RARB: variants seen among roughly 807,000 people sequenced by gnomAD.
The protein encoded by RARB is HBV-activated protein.
In RARB, 17 loss-of-function variants were observed where a neutral mutation model predicts 51.9. That is an observed-to-expected ratio of 0.33 (90% confidence interval 0.22 to 0.49). The LOEUF is 0.49. RARB is among the 20% of genes least tolerant of loss of function. RARB has a pLI of 0.99. For missense variants in RARB, 369 were observed against 550.8 expected (o/e 0.67, Z 3.30); for synonymous variants, 215 against 195.4 (o/e 1.10, Z -0.84).
intron 2 of RARB, among the ~76,000 whole-genome samples, chr3:24,889,592 C>A (rs4858661): frequency 0.73 from 111,277 of 151,764 alleles, 41,843 homozygotes; most frequent in African/African-American, 0.88. Context: ...GCTTGGAAAA[C>A]TTTTTGTTTT....
chr3:25,020,949 C>A (rs1307819203), intron 2 of RARB, among the ~76,000 whole-genome samples: 1 of 151,986 alleles, frequency 6.6e-6, no homozygotes, highest in Admixed American at 6.6e-5. Context: ...AGCCTGGCAA[C>A]GGAGTGAAAC....
At chr3:25,164,991 C>T (rs1162560946) in intron 4 of RARB, among the ~76,000 whole-genome samples, 2 of 152,138 alleles carry the variant, frequency 1.3e-5, no homozygotes, top group Non-Finnish European at 2.9e-5. Context: ...TCACAGTCAA[C>T]TCAAGATTGG....
intron 4 of RARB, among the ~76,000 whole-genome samples, chr3:25,576,856 G>A (rs66482848): frequency 0.38 from 57,649 of 151,822 alleles, 11,132 homozygotes; most frequent in African/African-American, 0.44. Flanking sequence ...TGCTGCAGGC[G>A]TGTTGGGGGC....
intron 2 of RARB, among the ~76,000 whole-genome samples, chr3:24,918,127 G>C (rs1695144056): frequency 6.6e-6 from 1 of 152,156 alleles, no homozygotes. Flanking sequence ...GTTCTTAGTA[G>C]TTAAAAAATG....
intron 5 of RARB, among the ~76,000 whole-genome samples, chr3:25,281,544 A>G (rs1415146290): frequency 1.3e-5 from 2 of 152,222 alleles, no homozygotes; most frequent in Non-Finnish European, 2.9e-5. Context: ...AGTAACAAAT[A>G]CAATCAAAAG....
At chr3:24,881,668 G>C (rs1703169352) in intron 2 of RARB, among the ~76,000 whole-genome samples, 1 of 152,156 alleles carries the variant, frequency 6.6e-6, no homozygotes, top group South Asian at 2.1e-4. Context: ...AGACAATGGA[G>C]CACAAAACCT....
chr3:25,113,808 G>A (rs1332469388), intron 3 of RARB, among the ~76,000 whole-genome samples: 1 of 152,106 alleles, frequency 6.6e-6, no homozygotes, highest in Non-Finnish European at 1.5e-5. Context: ...ACCAAGACAG[G>A]AGGAAAGGAC....
chr3:24,985,674 G>T (rs1696774390), intron 2 of RARB, among the ~76,000 whole-genome samples: 1 of 152,182 alleles, frequency 6.6e-6, no homozygotes, highest in Non-Finnish European at 1.5e-5. Context: ...AAACAAACGT[G>T]GGTCTTTTGT....
At chr3:24,912,957 G>A (rs995477976) in intron 2 of RARB, among the ~76,000 whole-genome samples, 11 of 115,028 alleles carry the variant, frequency 9.6e-5, no homozygotes, top group Non-Finnish European at 1.8e-4. Flanking sequence ...GTGGCAATAC[G>A]CACACAAGGT....
At chr3:24,842,605 A>C (rs1199701251) in intron 1 of RARB, among the ~76,000 whole-genome samples, 1 of 152,152 alleles carries the variant, frequency 6.6e-6, no homozygotes, top group Non-Finnish European at 1.5e-5. Flanking sequence ...TCCTCTTGAG[A>C]AATCCTGGGT....
chr3:24,999,910 T>TATAA (rs1697122611), intron 2 of RARB, among the ~76,000 whole-genome samples: 1 of 151,848 alleles, frequency 6.6e-6, no homozygotes, highest in African/African-American at 2.4e-5. Flanking sequence ...TGATGCAAGG[T>TATAA]AAAAAAGAGA....
intron 3 of RARB, among the ~76,000 whole-genome samples, chr3:25,521,261 C>T (rs1016937370): frequency 1.3e-5 from 2 of 152,192 alleles, no homozygotes; most frequent in Non-Finnish European, 2.9e-5. Flanking sequence ...CCCCGGCCTA[C>T]TTAGCTTTCA....
At chr3:25,347,151 C>T (rs1226923989) in intron 5 of RARB, among the ~76,000 whole-genome samples, 1 of 152,196 alleles carries the variant, frequency 6.6e-6, no homozygotes, top group Non-Finnish European at 1.5e-5. Flanking sequence ...TAGCTGTCCA[C>T]ATGCAGACTC....
chr3:25,126,605 A>G (rs1474688705), intron 3 of RARB, among the ~76,000 whole-genome samples: 1 of 152,136 alleles, frequency 6.6e-6, no homozygotes, highest in Non-Finnish European at 1.5e-5. Flanking sequence ...ATGGGTCTGG[A>G]GTGGAGACAA....
At chr3:25,068,246 C>A (rs1203420405) in intron 3 of RARB, among the ~76,000 whole-genome samples, 4 of 151,340 alleles carry the variant, frequency 2.6e-5, no homozygotes, top group Admixed American at 1.3e-4. Context: ...CCTCCCCCAC[C>A]CACAACCCCT....
chr3:24,856,523 C>T (rs536410738), intron 1 of RARB, among the ~76,000 whole-genome samples: 219 of 152,308 alleles, frequency 1.4e-3, no homozygotes, highest in African/African-American at 5.1e-3. Context: ...GCACTCAACA[C>T]CTCTCTCCTG....
Position 25,470,375 on chromosome 3 carries a change from G to T in RARB, c.306+9034G>T, listed in dbSNP as rs564976396. Among the ~76,000 whole-genome samples the T allele has an allele frequency of 2.0e-5, 3 of 152,366 alleles. No homozygotes were observed. In the East Asian group the frequency reaches 5.8e-4, roughly 29 times the overall value. ...GGATGAATGAATGAGCAAGGAAACAGTGTGGCATGTGCTGTGACAATTGTA... is the reference window on the plus strand; with the variant it reads ...GGATGAATGAATGAGCAAGGAAACATTGTGGCATGTGCTGTGACAATTGTA... On this transcript the variant is annotated intron_variant, in intron 2 of 7. Coordinates refer to ENST00000330688, the MANE Select transcript of RARB (RefSeq NM_000965.5).
intron 2 of RARB, among the ~76,000 whole-genome samples, chr3:24,918,853 G>T (rs1695160541): frequency 6.6e-6 from 1 of 152,088 alleles, no homozygotes; most frequent in South Asian, 2.1e-4. Flanking sequence ...TCATGCCATT[G>T]CACTCCAGCC....
chr3:25,112,755 G>C (rs1699623788), intron 3 of RARB, among the ~76,000 whole-genome samples: 1 of 152,086 alleles, frequency 6.6e-6, no homozygotes, highest in South Asian at 2.1e-4. Context: ...TCCAGCCTGG[G>C]TAACAGAGTG....
Sources: gnomAD v4.1 joint callset for allele counts (sites outside exome capture counted in the v4.1 genomes callset) on GRCh38, gnomAD v4.1.1 for gene constraint, MANE v1.5 for transcripts, NCBI Gene and HGNC (gene_info 2026-07-23, HGNC 2026-07-21) for gene names.